Variants in CSMD1 observed in about 807,000 individuals in gnomAD.
The protein encoded by CSMD1 is CUB and Sushi multiple domains 1.
CSMD1 carries 213 observed loss-of-function variants against 417.5 expected under a neutral mutation model. The ratio of observed to expected loss-of-function variants is 0.51; its 90% CI spans 0.46 to 0.57. The LOEUF is 0.57. Among genes scored for constraint, CSMD1 ranks in the 20% least tolerant of loss-of-function variants. The probability of loss-of-function intolerance (pLI) is 0.00; values close to 1 mark genes in which losing one functional copy is unlikely to be tolerated. For missense variants in CSMD1, 6,923 were observed against 4,529.7 expected (o/e 1.53, Z -15.17); for synonymous variants, 2,862 against 1,736.8 (o/e 1.65, Z -16.11).
chr8:4,180,376 A>C (rs1584969785), intron 3 of CSMD1, among the ~76,000 whole-genome samples: 1 of 144,100 alleles, frequency 6.9e-6, no homozygotes, highest in East Asian at 2.1e-4. Flanking sequence ...GAATTGAAAA[A>C]TGAGAACACA....
intron 6 of CSMD1, among the ~76,000 whole-genome samples, chr8:3,725,665 C>G (rs915373425): frequency 6.6e-6 from 1 of 151,806 alleles, no homozygotes; most frequent in African/African-American, 2.4e-5. Context: ...CAGTGGAGGA[C>G]CCGGTCTCAG....
At chr8:3,489,245 A>G (rs1288794015) in intron 11 of CSMD1, among the ~76,000 whole-genome samples, 2 of 152,220 alleles carry the variant, frequency 1.3e-5, no homozygotes, top group Non-Finnish European at 2.9e-5. Flanking sequence ...GGATTAATCC[A>G]GCCCTAAGAA....
intron 3 of CSMD1, among the ~76,000 whole-genome samples, chr8:4,181,551 G>A (rs1202317150): frequency 1.3e-5 from 2 of 152,050 alleles, no homozygotes; most frequent in Non-Finnish European, 2.9e-5. Context: ...ATGAATTTGT[G>A]TTTGGCCACA....
At chr8:3,770,314 A>G (rs1230570372) in intron 5 of CSMD1, among the ~76,000 whole-genome samples, 1 of 152,160 alleles carries the variant, frequency 6.6e-6, no homozygotes, top group Admixed American at 6.5e-5. Flanking sequence ...GTGGATCACA[A>G]GATCAGGAGT....
intron 3 of CSMD1, among the ~76,000 whole-genome samples, chr8:4,284,838 C>G (rs138533153): frequency 6.6e-6 from 1 of 152,094 alleles, no homozygotes; most frequent in African/African-American, 2.4e-5. Context: ...AAAAACAAAA[C>G]AAAACAAAGA....
At chr8:3,811,752 T>C (rs1801100179) in intron 5 of CSMD1, among the ~76,000 whole-genome samples, 1 of 152,114 alleles carries the variant, frequency 6.6e-6, no homozygotes, top group African/African-American at 2.4e-5. Context: ...AAAGGGAACC[T>C]CCATGGACAA....
chr8:4,337,854 G>C (rs534145544), intron 3 of CSMD1, among the ~76,000 whole-genome samples: 2 of 152,206 alleles, frequency 1.3e-5, no homozygotes, highest in African/African-American at 4.8e-5. Flanking sequence ...CCTTCGTAAA[G>C]ACTTTAAGAG....
At chr8:4,899,879 A>C (rs1309653462) in intron 1 of CSMD1, among the ~76,000 whole-genome samples, 2 of 152,146 alleles carry the variant, frequency 1.3e-5, no homozygotes, top group Non-Finnish European at 2.9e-5. Flanking sequence ...ATACCTGGGG[A>C]CAAGCCTTTC....
chr8:4,672,694 G>C (rs770790937), intron 1 of CSMD1, among the ~76,000 whole-genome samples: 9 of 152,092 alleles, frequency 5.9e-5, no homozygotes, highest in Non-Finnish European at 8.8e-5. Flanking sequence ...AAGGAAGTAA[G>C]ACTGCGCACA....
intron 1 of CSMD1, among the ~76,000 whole-genome samples, chr8:4,784,927 G>A (rs902565146): frequency 2.6e-5 from 4 of 152,060 alleles, no homozygotes; most frequent in African/African-American, 9.7e-5. Flanking sequence ...GTTTATGTTT[G>A]TAAAGATGAC....
chr8:3,244,999 G>A (rs1303277481), intron 26 of CSMD1, among the ~76,000 whole-genome samples: 1 of 152,210 alleles, frequency 6.6e-6, no homozygotes, highest in Non-Finnish European at 1.5e-5. Flanking sequence ...TTCCTCAAGA[G>A]GGAGATTCTG....
chr8:3,709,680 G>GTTTTTTTTTTTTTTT lies in CSMD1; in HGVS notation c.932-1204_932-1190dup, dbSNP rs56272726. ...GATGGGCTTTAAATTGCAGCAGCAT[G>GTTTTTTTTTTTTTTT]TTTTTTTTTTTTTTTTTTTTTTTTT... is the stretch of plus-strand genomic sequence containing the variant. On this transcript the variant is annotated intron_variant, in intron 6 of 69. Coordinates refer to ENST00000635120, the MANE Select transcript of CSMD1 (RefSeq NM_033225.6). Among the ~76,000 whole-genome samples the GTTTTTTTTTTTTTTT allele has an allele frequency of 2.3e-3, 76 of 33,680 alleles. 15 individuals are homozygous for GTTTTTTTTTTTTTTT. The highest frequency in any genetic ancestry group is 3.4e-3 in the Non-Finnish European group (59 of 17,534). 22.1% of individuals were successfully genotyped at this position (33,680 alleles called of 152,430 possible). A position where few individuals can be genotyped will look rare whatever the true frequency, so the allele number is the denominator to read the frequency against.
chr8:4,518,662 T>G (rs1423436339), intron 2 of CSMD1, among the ~76,000 whole-genome samples: 3 of 149,828 alleles, frequency 2.0e-5, no homozygotes, highest in Admixed American at 6.8e-5. Flanking sequence ...ATATACCTAA[T>G]GCTAAATGAC....
At chr8:4,507,990 A>T (rs1802616157) in intron 2 of CSMD1, among the ~76,000 whole-genome samples, 1 of 151,986 alleles carries the variant, frequency 6.6e-6, no homozygotes, top group Admixed American at 6.6e-5. Context: ...TCCTACGAAC[A>T]CAGACAAAAC....
intron 4 of CSMD1, among the ~76,000 whole-genome samples, chr8:4,013,433 G>A (rs541360465): frequency 2.6e-5 from 4 of 152,192 alleles, no homozygotes; most frequent in South Asian, 2.1e-4. Context: ...CAAATATTCC[G>A]GTTTTCTACT....
chr8:3,754,149 T>C (rs1434371320), intron 5 of CSMD1, 107 bp from the exon 6 acceptor site: 4 of 640,688 alleles, frequency 6.2e-6, no homozygotes, highest in East Asian at 2.9e-5. Context: ...CATCTTGAGA[T>C]GCTTAAAACA....
At chr8:3,266,018 T>A (rs1420639796) in intron 26 of CSMD1, among the ~76,000 whole-genome samples, 1 of 151,942 alleles carries the variant, frequency 6.6e-6, no homozygotes, top group African/African-American at 2.4e-5. Flanking sequence ...ATCTTACAGG[T>A]TCATGAGGTA....
At chr8:4,575,254 G>C (rs1420122223) in intron 2 of CSMD1, among the ~76,000 whole-genome samples, 2 of 152,064 alleles carry the variant, frequency 1.3e-5, no homozygotes, top group Non-Finnish European at 2.9e-5. Context: ...CAATTAAAAG[G>C]TGGAGATCAT....
chr8:4,077,812 T>A (rs1238790805), intron 3 of CSMD1, among the ~76,000 whole-genome samples: 1 of 152,184 alleles, frequency 6.6e-6, no homozygotes, highest in Non-Finnish European at 1.5e-5. Context: ...CTCTGTTCCA[T>A]GGGAATTTTC....
Sources: allele counts gnomAD v4.1 joint callset (sites outside exome capture counted in the v4.1 genomes callset), GRCh38; gene constraint gnomAD v4.1.1; transcripts MANE v1.5; gene names NCBI Gene and HGNC (gene_info 2026-07-23, HGNC 2026-07-21).